Variants in SGSH observed in about 807,000 individuals in gnomAD.
SGSH encodes the protein heparan sulfate sulfatase.
A neutral mutation model predicts 51.0 loss-of-function variants in SGSH; 48 were observed. That is an observed-to-expected ratio of 0.94 (90% CI 0.75 to 1.20). The LOEUF is 1.20. SGSH is among the 50% of genes most tolerant of loss of function. The pLI is 0.00. For missense variants in SGSH, 662 were observed against 717.8 expected, an observed-to-expected ratio of 0.92 and a Z score of 0.89; for synonymous variants, 321 against 313.4, an observed-to-expected ratio of 1.02 and a Z score of -0.26.
the SGSH span, chr17:80,201,657 T>A: frequency 1.4e-6 from 2 of 1,464,828 alleles, no homozygotes; most frequent in Non-Finnish European, 1.9e-6. This position sits in a 1 kb window ranked among gnomAD's most constrained non-coding sequence, Gnocchi z 5.0. Flanking sequence ...GGCCCGCGCC[T>A]CGCCTCAGTG....
In SGSH at chr17:80,212,402, C is replaced by G; in HGVS notation, c.746-128G>C. ...CAGCGCTTTCCGGATTCGAAAGCAC[C>G]CTGTAGTTCTTCCCAATGGCCCTGG... On this transcript the variant is annotated intron_variant, in intron 6 of 7. Coordinates refer to ENST00000326317, the MANE Select transcript of SGSH (RefSeq NM_000199.5). This position sits in a 1 kb window ranked among gnomAD's most constrained non-coding sequence, Gnocchi z 5.9. 1.2e-6 allele frequency: 1 copy of G among 805,520 alleles called. No homozygotes were observed. The highest frequency in any genetic ancestry group is 2.0e-5 in the Admixed American group (1 of 49,942). The allele number at this position is 805,520 out of a possible 1,614,324, so 49.9% of individuals were successfully genotyped here. A position where few individuals can be genotyped will look rare whatever the true frequency, so the allele number is the denominator to read the frequency against.
chr17:80,203,476 C>G (rs984669001), downstream of SGSH: 1 of 244,652 alleles, frequency 4.1e-6, no homozygotes. The surrounding 1 kb of genome is among the most constrained non-coding windows in gnomAD (Gnocchi z 4.6). Flanking sequence ...ACAGCTCTCT[C>G]GGTGACTCCA....
chr17:80,210,181 G>GGAC lies in SGSH; in HGVS notation c.*268_*270dup. ...ACGTATGTCTAGAATTCCCGTGCTG[G>GGAC]GACATGGTTCAGACACAAGGACAAC... On this transcript the variant is annotated 3_prime_UTR_variant, in exon 8 of 8. Transcript: ENST00000326317. The GGAC allele has an allele frequency of 7.3e-7, 1 of 1,377,748 alleles. No individual in the cohort carries two copies. Among genetic ancestry groups the GGAC allele is most frequent in the Non-Finnish European group, 9.4e-7 (1 of 1,065,186 alleles). The allele number at this position is 1,377,748 out of a possible 1,614,324, so 85.3% of individuals were successfully genotyped here.
chr17:80,210,153 A>G lies in SGSH; in HGVS notation c.*299T>C. On this transcript the variant is annotated 3_prime_UTR_variant, in exon 8 of 8. Coordinates refer to ENST00000326317, the MANE Select transcript of SGSH (RefSeq NM_000199.5). ...GCTGGGGGCGCTGCCCTGTCCGCAG[A>G]CCACGTATGTCTAGAATTCCCGTGC... 1 of 1,318,634 alleles carries G rather than the reference A, an allele frequency of 7.6e-7. No individual in the cohort carries two copies. The highest frequency in any genetic ancestry group is 3.3e-5 in the Admixed American group (1 of 30,424). The allele number at this position is 1,318,634 out of a possible 1,614,324, so 81.7% of individuals were successfully genotyped here.
chr17:80,208,553 A>G (rs2041482350), downstream of SGSH: 2 of 511,988 alleles, frequency 3.9e-6, no homozygotes, highest in Non-Finnish European at 6.9e-6. Context: ...TTTCTGTGGA[A>G]ACATCTTCAC....
chr17:80,213,902 G>A lies in SGSH; in HGVS notation c.664-17C>T, dbSNP rs765812346. 6.3e-7 allele frequency: 1 copy of A among 1,595,716 alleles called. No homozygotes were observed. Among genetic ancestry groups the A allele is most frequent in the Non-Finnish European group, 8.5e-7 (1 of 1,175,446 alleles). Reference sequence around the variant, plus strand: ...GTAAGGCACCTGGGGCAGGCGGTGGGGAGCCAGGCTTAGAACAGACAGACC... The same window carrying A: ...GTAAGGCACCTGGGGCAGGCGGTGGAGAGCCAGGCTTAGAACAGACAGACC... On this transcript the variant is annotated splice_polypyrimidine_tract_variant and intron_variant, in intron 5 of 7. Transcript: ENST00000326317. This position sits in a 1 kb window ranked among gnomAD's most constrained non-coding sequence, Gnocchi z 4.6.
downstream of SGSH, chr17:80,208,071 C>G: frequency 7.9e-7 from 1 of 1,273,658 alleles, no homozygotes; most frequent in East Asian, 2.6e-5. Context: ...GTCATCACTA[C>G]CCTAGCCAGG....
chr17:80,220,082 G>A (rs778665112), intron 1 of SGSH, 144 bp downstream of exon 1: 2 of 591,274 alleles, frequency 3.4e-6, no homozygotes, highest in Non-Finnish European at 5.7e-6. Flanking sequence ...GGGCGGCACA[G>A]AGAGGAGGAC....
In SGSH at chr17:80,210,844, A is replaced by T; in HGVS notation, c.1117T>A (p.Ser373Thr). 6.2e-7 allele frequency: 1 copy of T among 1,613,878 alleles called. No homozygotes were observed. Among genetic ancestry groups the T allele is most frequent in the Non-Finnish European group, 8.5e-7 (1 of 1,180,012 alleles). Residue 373 changes from serine (S) to threonine (T), a missense_variant, in exon 8 of 8, where the codon TCC becomes ACC. Transcript: ENST00000326317. Reference sequence around the variant, plus strand: ...TGCTGCACGGAGCGCATGGGGTAGGACATGGTGACCTCGTGGTGGCTCTGG... The same window carrying T: ...TGCTGCACGGAGCGCATGGGGTAGGTCATGGTGACCTCGTGGTGGCTCTGG... ...GSQSHHEVTM[S>T]YPMRSVQHRH...
In SGSH at chr17:80,217,014, C is replaced by T. The variant is rs1395138376; in HGVS notation, c.249+18G>A. 5 of 1,540,196 alleles carry T rather than the reference C, an allele frequency of 3.2e-6. No homozygotes were observed. In the South Asian group the frequency reaches 4.7e-5, roughly 15 times the overall value. Reference sequence around the variant, plus strand: ...TCTACTCCCTGCCCACCCCCTCCTCCCGCCCCTTGCACCTCACCTGGGGCA... The same window carrying T: ...TCTACTCCCTGCCCACCCCCTCCTCTCGCCCCTTGCACCTCACCTGGGGCA... On this transcript the variant is annotated intron_variant, in intron 2 of 7. Coordinates refer to ENST00000326317, the MANE Select transcript of SGSH (RefSeq NM_000199.5).
chr17:80,215,971 G>C (rs188768004), intron 2 of SGSH, among the ~76,000 whole-genome samples: 1 of 152,074 alleles, frequency 6.6e-6, no homozygotes, highest in Non-Finnish European at 1.5e-5. Context: ...GAAGAGGAGG[G>C]AAGTTCTGAC....
chr17:80,211,484 G>A (rs551783321), intron 7 of SGSH: 4 of 274,200 alleles, frequency 1.5e-5, no homozygotes, highest in East Asian at 9.7e-5. Flanking sequence ...GCCCTGTGCC[G>A]AAGGGGTCAC....
In SGSH at chr17:80,213,513, C is replaced by T. The variant is rs2041755996; in HGVS notation, c.745+291G>A. The T allele has an allele frequency of 3.8e-6, 2 of 529,814 alleles. No homozygotes were observed. The highest frequency in any genetic ancestry group is 1.9e-5 in the African/African-American group (1 of 52,556). The allele number at this position is 529,814 out of a possible 1,614,324, so 32.8% of individuals were successfully genotyped here. On this transcript the variant is annotated intron_variant, in intron 6 of 7. Coordinates refer to ENST00000326317, the MANE Select transcript of SGSH (RefSeq NM_000199.5). The surrounding 1 kb of genome is among the most constrained non-coding windows in gnomAD (Gnocchi z 4.6). ...CTGCATATGCTAAGGAACTCCAAAC[C>T]CCCAAATCTGACCCAGGTCCTGTGA...
intron 1 of SGSH, 48 bp from the exon 2 acceptor site, chr17:80,217,240 G>C: frequency 6.4e-7 from 1 of 1,569,838 alleles, no homozygotes; most frequent in Non-Finnish European, 8.6e-7. Context: ...GCGGTCACGA[G>C]AAACAGCACT....
downstream of SGSH, chr17:80,202,518 G>C: frequency 6.6e-7 from 1 of 1,513,346 alleles, no homozygotes; most frequent in African/African-American, 1.4e-5. Flanking sequence ...AGCAATAGAG[G>C]GTGGGCGTGG....
At chr17:80,204,238 G>T (rs1350201307), downstream of SGSH, 1 of 1,589,620 alleles carries the variant, frequency 6.3e-7, no homozygotes, top group Non-Finnish European at 8.6e-7. Context: ...CATCTTCTGG[G>T]GGACCACAGA....
In SGSH at chr17:80,220,267, C is replaced by T; in HGVS notation, c.47G>A (p.Gly16Glu). ...PACCALLLVL[G>E]LCRARPRNAL... ...GTTCCGGGGACGCGCCCGGCAGAGC[C>T]CCAGGACTAGCAGCAGCGCGCAGCA... The change falls in exon 1 of 8, where the codon GGG becomes GAG. Residue 16 changes from glycine to glutamate, a missense_variant. By Grantham distance (98) the Gly-to-Glu change is moderately conservative (BLOSUM62 -2). Transcript: ENST00000326317. The T allele has an allele frequency of 1.3e-6, 2 of 1,522,744 alleles. No individual in the cohort carries two copies. Among genetic ancestry groups the T allele is most frequent in the Non-Finnish European group, 1.8e-6 (2 of 1,141,904 alleles). The allele number at this position is 1,522,744 out of a possible 1,614,324, so 94.3% of individuals were successfully genotyped here.
rs760564328 is a variant in SGSH at position 80,214,706 on chromosome 17, T to C, written c.415A>G (p.Thr139Ala). Residue 139 changes from threonine (T) to alanine (A), a missense_variant, in exon 4 of 8, where the codon ACG (threonine) becomes GCG (alanine). By Grantham distance (58) the Thr-to-Ala change is moderately conservative. Coordinates refer to ENST00000326317, the MANE Select transcript of SGSH (RefSeq NM_000199.5). Reference protein sequence around the residue: ...ETVYPFDFAYTEENGSVLQVG... With the variant: ...ETVYPFDFAYAEENGSVLQVG... ...TGGAGGACGGAGCCATTCTCCTCCG[T>C]GTACGCAAAGTCAAACGGGTACACG... 3 of 1,613,240 alleles carry C rather than the reference T, an allele frequency of 1.9e-6. No homozygotes were observed. The highest frequency in any genetic ancestry group is 2.2e-5 in the East Asian group (1 of 44,876).
intron 2 of SGSH, 82 bp downstream of exon 2, chr17:80,216,950 G>A (rs1433468819): frequency 3.0e-6 from 4 of 1,333,002 alleles, no homozygotes; most frequent in Non-Finnish European, 4.1e-6. Flanking sequence ...TCCCAGGGAT[G>A]GGAGACGTGG....
Sources: allele counts gnomAD v4.1 joint callset (sites outside exome capture counted in the v4.1 genomes callset), GRCh38; gene constraint gnomAD v4.1.1; non-coding constraint Gnocchi (gnomAD v3.1); transcripts MANE v1.5; gene names NCBI Gene and HGNC (gene_info 2026-07-23, HGNC 2026-07-21).